Variants in NALF1 observed in about 807,000 individuals in gnomAD.
NALF1 encodes the protein family with sequence similarity 155 member A.
A neutral mutation model predicts 48.4 loss-of-function variants in NALF1; 3 were observed. That is an observed-to-expected ratio of 0.06 (90% confidence interval 0.03 to 0.16). The LOEUF (loss-of-function observed/expected upper bound fraction) is 0.16, where lower values mean the gene tolerates loss of function less well. NALF1 is among the 10% of genes least tolerant of loss of function. The pLI is 1.00. For missense variants in NALF1, 526 were observed against 571.5 expected (o/e 0.92, Z 0.81); for synonymous variants, 262 against 245.7 (o/e 1.07, Z -0.62).
intron 1 of NALF1, among the ~76,000 whole-genome samples, chr13:107,853,622 C>G (rs1880372899): frequency 6.6e-6 from 1 of 152,144 alleles, no homozygotes; most frequent in African/African-American, 2.4e-5. Flanking sequence ...TATCACAATA[C>G]TGCAATACCA....
chr13:107,253,167 TTC>T (rs1378189092), intron 1 of NALF1, among the ~76,000 whole-genome samples: 1 of 50,408 alleles, frequency 2.0e-5, no homozygotes, highest in Non-Finnish European at 4.1e-5. Flanking sequence ...ATACTGGGAC[TTC>T]TTTCTTTTTT....
At chr13:107,621,814 C>T (rs988439421) in intron 1 of NALF1, among the ~76,000 whole-genome samples, 3 of 152,050 alleles carry the variant, frequency 2.0e-5, no homozygotes, top group South Asian at 4.1e-4. Flanking sequence ...CAGCTGAGGC[C>T]GGAATTCAAT....
chr13:107,611,426 A>C (rs922820101), intron 1 of NALF1, among the ~76,000 whole-genome samples: 1 of 152,246 alleles, frequency 6.6e-6, no homozygotes, highest in Non-Finnish European at 1.5e-5. Flanking sequence ...AGGCAAAAAC[A>C]ACTAGAGTGT....
intron 1 of NALF1, among the ~76,000 whole-genome samples, chr13:107,341,584 T>C (rs999819870): frequency 2.6e-5 from 4 of 151,856 alleles, no homozygotes; most frequent in Non-Finnish European, 4.4e-5. Context: ...TATATCTAAA[T>C]TGTGCAGTAT....
intron 1 of NALF1, among the ~76,000 whole-genome samples, chr13:107,687,382 G>C (rs891292836): frequency 4.0e-5 from 6 of 151,424 alleles, no homozygotes; most frequent in Non-Finnish European, 8.8e-5. Flanking sequence ...TGGGTGACGA[G>C]TTCAACTGAA....
intron 2 of NALF1, among the ~76,000 whole-genome samples, chr13:107,189,281 C>G (rs1292412675): frequency 6.6e-6 from 1 of 152,192 alleles, no homozygotes; most frequent in Non-Finnish European, 1.5e-5. Flanking sequence ...CTAACACACA[C>G]TGCAAAATAT....
At chr13:107,799,078 T>G (rs930306265) in intron 1 of NALF1, among the ~76,000 whole-genome samples, 1 of 152,188 alleles carries the variant, frequency 6.6e-6, no homozygotes, top group Admixed American at 6.5e-5. Context: ...GGCTTGCTCA[T>G]TCCCCAAAGC....
Position 107,418,144 on chromosome 13 carries a change from C to T in NALF1, c.916-207389G>A, listed in dbSNP as rs184793246. ...TCACAGTGGTACTATTTGTTCTCTA[C>T]GAGTTTGGCCCAGTAGAGGTAAAAT... On this transcript the variant is annotated intron_variant, in intron 1 of 2. Transcript: ENST00000375915. Among the ~76,000 whole-genome samples the T allele has an allele frequency of 3.7e-4, 57 of 152,274 alleles. 1 individual carries two copies. The East Asian group carries it at 9.7e-3, about 26-fold the overall frequency.
chr13:107,666,542 T>C (rs919556856), intron 1 of NALF1, among the ~76,000 whole-genome samples: 1 of 152,308 alleles, frequency 6.6e-6, no homozygotes, highest in African/African-American at 2.4e-5. Flanking sequence ...TGCTCAACTT[T>C]AATTTTTCAG....
chr13:107,375,973 G>T (rs1883329117), intron 1 of NALF1, among the ~76,000 whole-genome samples: 1 of 151,784 alleles, frequency 6.6e-6, no homozygotes, highest in South Asian at 2.1e-4. Flanking sequence ...GATGAATGGG[G>T]CCACCAATGG....
chr13:107,823,616 T>TCTCC (rs992840259), intron 1 of NALF1, among the ~76,000 whole-genome samples: 2 of 151,590 alleles, frequency 1.3e-5, no homozygotes, highest in African/African-American at 4.9e-5. Flanking sequence ...CTTGGTACTC[T>TCTCC]CCCTTCTCCA....
At chr13:107,230,364 A>G (rs1880194534) in intron 1 of NALF1, among the ~76,000 whole-genome samples, 2 of 152,162 alleles carry the variant, frequency 1.3e-5, no homozygotes, top group Non-Finnish European at 2.9e-5. Flanking sequence ...CTTAAATTTC[A>G]AAAGTAACTC....
chr13:107,529,701 G>A (rs1876563683), intron 1 of NALF1, among the ~76,000 whole-genome samples: 1 of 152,102 alleles, frequency 6.6e-6, no homozygotes, highest in African/African-American at 2.4e-5. Flanking sequence ...TGGAAGATGT[G>A]ATGAATTAAT....
chr13:107,416,175 T>TTTTG (rs1325016460), intron 1 of NALF1, among the ~76,000 whole-genome samples: 781 of 12,132 alleles, frequency 0.064, 8 homozygotes, highest in African/African-American at 0.2. Flanking sequence ...CCCGGCTAAA[T>TTTTG]TTTTTTTTTT....
chr13:107,708,480 T>C (rs557133325), intron 1 of NALF1, among the ~76,000 whole-genome samples: 4 of 147,626 alleles, frequency 2.7e-5, no homozygotes, highest in Admixed American at 6.8e-5. Flanking sequence ...ATATCTGGGG[T>C]AGGACTAGTA....
At chr13:107,465,811 C>G (rs1354838182) in intron 1 of NALF1, among the ~76,000 whole-genome samples, 3 of 152,204 alleles carry the variant, frequency 2.0e-5, no homozygotes, top group African/African-American at 7.2e-5. Flanking sequence ...TGGTGAAAGC[C>G]TGTTCCTCAT....
chr13:107,602,889 A>G (rs1878968907), intron 1 of NALF1, among the ~76,000 whole-genome samples: 1 of 152,150 alleles, frequency 6.6e-6, no homozygotes, highest in Non-Finnish European at 1.5e-5. Context: ...TATATTTAAA[A>G]TTTTATCTTC....
At chr13:107,261,091 G>A (rs951916298) in intron 1 of NALF1, among the ~76,000 whole-genome samples, 1 of 152,208 alleles carries the variant, frequency 6.6e-6, no homozygotes, top group Admixed American at 6.5e-5. Flanking sequence ...TAAAATTTTG[G>A]ACTGGTTTGT....
At chr13:107,388,508 T>C (rs983536215) in intron 1 of NALF1, among the ~76,000 whole-genome samples, 4 of 152,118 alleles carry the variant, frequency 2.6e-5, no homozygotes, top group African/African-American at 4.8e-5. Flanking sequence ...AATGGCCCCA[T>C]ATATCTGAGA....
Sources: allele counts gnomAD v4.1 joint callset (sites outside exome capture counted in the v4.1 genomes callset), GRCh38; gene constraint gnomAD v4.1.1; transcripts MANE v1.5; gene names NCBI Gene and HGNC (gene_info 2026-07-23, HGNC 2026-07-21).